ARHGAP6: variants seen among roughly 807,000 people sequenced by gnomAD.
The protein encoded by ARHGAP6 is Rho GTPase activating protein 6, also known as rho GTPase-activating protein 6.
ARHGAP6 carries 16 observed loss-of-function variants against 55.7 expected under a neutral mutation model. The ratio of observed to expected loss-of-function variants is 0.29; its 90% CI spans 0.19 to 0.44. The LOEUF is 0.44. Among genes scored for constraint, ARHGAP6 ranks in the 20% least tolerant of loss-of-function variants. ARHGAP6 has a pLI of 1.00. For missense variants in ARHGAP6, 698 were observed against 808.9 expected (o/e 0.86, Z 1.66); for synonymous variants, 382 against 360.9 (o/e 1.06, Z -0.66).
chrX:11,265,626 A>G, intron 1 of ARHGAP6: 1 of 784,100 alleles, frequency 1.3e-6, no homozygotes, highest in Middle Eastern at 6.5e-4. Context: ...AGAATCACAA[A>G]ACTTTATCAC....
intron 1 of ARHGAP6, among the ~76,000 whole-genome samples, chrX:11,545,248 T>C (rs2051200614): frequency 8.9e-6 from 1 of 112,693 alleles, no homozygotes; most frequent in African/African-American, 3.2e-5. Flanking sequence ...CAAGCTAATG[T>C]TTAATTTACC....
chrX:11,625,328 C>T (rs1433093423), intron 1 of ARHGAP6, among the ~76,000 whole-genome samples: 2 of 108,690 alleles, frequency 1.8e-5, no homozygotes, highest in African/African-American at 3.4e-5. Flanking sequence ...TATATGTTTA[C>T]GTGTGTGTGT....
intron 1 of ARHGAP6, among the ~76,000 whole-genome samples, chrX:11,417,306 T>C (rs922998944): frequency 9.4e-6 from 1 of 106,257 alleles, no homozygotes; most frequent in African/African-American, 3.5e-5. Flanking sequence ...GACAGTTCAG[T>C]GGTAGCCCAG....
chrX:11,146,440 TAGAC>T (rs760830501), intron 10 of ARHGAP6, among the ~76,000 whole-genome samples: 6 of 111,666 alleles, frequency 5.4e-5, no homozygotes, highest in Non-Finnish European at 7.5e-5. Context: ...GCCAGGGACA[TAGAC>T]AGAGGGGGCA....
chrX:11,505,862 G>C (rs1355860798), intron 1 of ARHGAP6, among the ~76,000 whole-genome samples: 1 of 110,879 alleles, frequency 9.0e-6, no homozygotes, highest in Non-Finnish European at 1.9e-5. Flanking sequence ...AACTCATGGA[G>C]ACAAAGAAGA....
At chrX:11,187,823 G>A (rs2046405614) in intron 4 of ARHGAP6, among the ~76,000 whole-genome samples, 1 of 111,677 alleles carries the variant, frequency 9.0e-6, no homozygotes, top group Non-Finnish European at 1.9e-5. Context: ...GAATTCGAAG[G>A]TTCAAGACCA....
intron 2 of ARHGAP6, among the ~76,000 whole-genome samples, chrX:11,249,158 A>G (rs1358339329): frequency 1.8e-5 from 2 of 111,819 alleles, no homozygotes; most frequent in Non-Finnish European, 3.8e-5. Flanking sequence ...ATTCTAAGTG[A>G]AGTAACTCAG....
chrX:11,306,985 C>T (rs2048244555), intron 1 of ARHGAP6, among the ~76,000 whole-genome samples: 1 of 111,416 alleles, frequency 9.0e-6, no homozygotes. Flanking sequence ...GCCATGGCAA[C>T]CAGGGTAAGG....
chrX:11,470,864 T>G (rs752887891), intron 1 of ARHGAP6, among the ~76,000 whole-genome samples: 1 of 111,988 alleles, frequency 8.9e-6, no homozygotes, highest in Non-Finnish European at 1.9e-5. Context: ...ATTCTTAATA[T>G]TTCTTGAACA....
At chrX:11,455,668 A>C (rs1009062862) in intron 1 of ARHGAP6, among the ~76,000 whole-genome samples, 1 of 111,784 alleles carries the variant, frequency 8.9e-6, no homozygotes, top group South Asian at 3.8e-4. Context: ...ATCTACCCCC[A>C]CTATCCGTGG....
At chrX:11,624,011 T>C (rs1389179344) in intron 1 of ARHGAP6, among the ~76,000 whole-genome samples, 1 of 111,482 alleles carries the variant, frequency 9.0e-6, no homozygotes, top group Non-Finnish European at 1.9e-5. Flanking sequence ...AGCGGCATGG[T>C]ACTGGCATAA....
chrX:11,625,856 A>G (rs1359014713), intron 1 of ARHGAP6, among the ~76,000 whole-genome samples: 1 of 111,807 alleles, frequency 8.9e-6, no homozygotes, highest in Non-Finnish European at 1.9e-5. Context: ...ATTACAAAAG[A>G]GTCATTAAGT....
At chrX:11,350,184 C>T (rs889364599) in intron 1 of ARHGAP6, among the ~76,000 whole-genome samples, 14 of 111,555 alleles carry the variant, frequency 1.3e-4, no homozygotes, top group Admixed American at 6.7e-4. Flanking sequence ...TTCAAATGGA[C>T]CTGCCACTCC....
rs73501027 is a variant in ARHGAP6 at position 11,571,215 on chromosome X, G to A, written c.588+93026C>T. On this transcript the variant is annotated intron_variant, in intron 1 of 12. Coordinates refer to ENST00000337414, the MANE Select transcript of ARHGAP6 (RefSeq NM_013427.3). ...GACATTCCTCTAGGTTAAGAATTAG[G>A]GTTGGGCTTTCCTTCTAGAAAATTC... is the stretch of plus-strand genomic sequence containing the variant. Among the ~76,000 whole-genome samples, 366 of 111,755 alleles carry A rather than the reference G, an allele frequency of 3.3e-3. 1 individual carries two copies. The highest frequency in any genetic ancestry group is 0.011 in the African/African-American group (348 of 30,806).
intron 1 of ARHGAP6, among the ~76,000 whole-genome samples, chrX:11,450,617 C>T (rs1038246490): frequency 2.7e-5 from 3 of 111,240 alleles, no homozygotes; most frequent in Non-Finnish European, 5.7e-5. Flanking sequence ...CGAAGAAATC[C>T]GTTTTACAGC....
intron 1 of ARHGAP6, among the ~76,000 whole-genome samples, chrX:11,413,302 T>A (rs1308729803): frequency 1.8e-5 from 2 of 112,436 alleles, no homozygotes; most frequent in Non-Finnish European, 3.8e-5. Context: ...CTCAGGAAGC[T>A]GCTGAGCTCT....
intron 1 of ARHGAP6, among the ~76,000 whole-genome samples, chrX:11,535,708 C>T (rs1368993267): frequency 9.0e-6 from 1 of 111,358 alleles, no homozygotes; most frequent in African/African-American, 3.3e-5. Context: ...GGCTGCATTC[C>T]AGTCTCTCAT....
chrX:11,304,092 T>C (rs1389597604), intron 1 of ARHGAP6, among the ~76,000 whole-genome samples: 4 of 109,973 alleles, frequency 3.6e-5, no homozygotes, highest in Non-Finnish European at 7.6e-5. Flanking sequence ...TACATCACGT[T>C]TGTCTTTTTT....
chrX:11,664,177 G>T, intron 1 of ARHGAP6, 64 bp downstream of exon 1: 1 of 1,019,715 alleles, frequency 9.8e-7, no homozygotes, highest in Non-Finnish European at 1.3e-6. Flanking sequence ...AATTAAAGGC[G>T]GTCTCCTGAA....
Sources: allele counts gnomAD v4.1 joint callset (sites outside exome capture counted in the v4.1 genomes callset), GRCh38; gene constraint gnomAD v4.1.1; transcripts MANE v1.5; gene names NCBI Gene and HGNC (gene_info 2026-07-23, HGNC 2026-07-21).